CPAP: variants seen among roughly 807,000 people sequenced by gnomAD.
CPAP encodes centrosomal P4.1-associated protein.
the CPAP span, among the ~76,000 whole-genome samples, chr13:24,919,428 T>C: frequency 6.6e-6 from 1 of 152,174 alleles, no homozygotes; most frequent in Non-Finnish European, 1.5e-5. Context: ...TTTAATCTTT[T>C]TTTTTTTCCT....
chr13:24,933,419 G>T, the CPAP span: 17 of 254,020 alleles, frequency 6.7e-5, no homozygotes, highest in South Asian at 1.3e-3. Context: ...TAGAATTTCA[G>T]ACCAGTCAAA....
At chr13:24,889,917 G>A in the CPAP span, among the ~76,000 whole-genome samples, 1 of 152,012 alleles carries the variant, frequency 6.6e-6, no homozygotes, top group Non-Finnish European at 1.5e-5. Context: ...TCCCTGCCAG[G>A]AGGTGATGCT....
the CPAP span, chr13:24,910,145 C>G: frequency 6.6e-7 from 1 of 1,507,222 alleles, no homozygotes; most frequent in Non-Finnish European, 9.1e-7. Flanking sequence ...CTCTTTTATC[C>G]CCAGTAGTGA....
chr13:24,927,063 G>A, the CPAP span, among the ~76,000 whole-genome samples: 25 of 152,228 alleles, frequency 1.6e-4, no homozygotes, highest in South Asian at 1.9e-3. Context: ...GAAAATTGTC[G>A]GCACTGGAGA....
the CPAP span, chr13:24,906,461 A>T: frequency 1.2e-6 from 2 of 1,614,230 alleles, no homozygotes; most frequent in South Asian, 2.2e-5. Flanking sequence ...TGAAAGAGGA[A>T]GTCTGTCTTT....
At chr13:24,888,873 A>T in the CPAP span, among the ~76,000 whole-genome samples, 1 of 152,238 alleles carries the variant, frequency 6.6e-6, no homozygotes, top group Admixed American at 6.5e-5. Context: ...ACAGAATATG[A>T]AACAATACTA....
the CPAP span, chr13:24,883,932 T>C: frequency 5.0e-6 from 8 of 1,613,802 alleles, no homozygotes; most frequent in South Asian, 8.8e-5. Context: ...TCACACTGAG[T>C]GGTTTTTCTG....
the CPAP span, chr13:24,904,206 A>C: frequency 1.1e-6 from 1 of 878,864 alleles, no homozygotes. Flanking sequence ...CATGAAAAGG[A>C]AAAAAAATTA....
chr13:24,909,104 G>T, the CPAP span, among the ~76,000 whole-genome samples: 1 of 152,130 alleles, frequency 6.6e-6, no homozygotes, highest in Non-Finnish European at 1.5e-5. Context: ...AGTAATAACT[G>T]CAGTGGTCTT....
chr13:24,906,866 T>C, the CPAP span: 5 of 1,614,212 alleles, frequency 3.1e-6, no homozygotes, highest in Non-Finnish European at 4.2e-6. Flanking sequence ...TTTTTGAAAC[T>C]TAGATTTGGC....
the CPAP span, chr13:24,884,447 T>TTA: frequency 6.2e-7 from 1 of 1,614,090 alleles, no homozygotes; most frequent in Non-Finnish European, 8.5e-7. Context: ...GCACCCATTC[T>TTA]TATAAACCTT....
At chr13:24,893,901 G>T in the CPAP span, among the ~76,000 whole-genome samples, 2 of 152,134 alleles carry the variant, frequency 1.3e-5, no homozygotes, top group African/African-American at 4.8e-5. Flanking sequence ...TCACTCTGCC[G>T]GGGACAGTGG....
At chr13:24,886,831 AAGGC>A in the CPAP span, among the ~76,000 whole-genome samples, 2 of 152,232 alleles carry the variant, frequency 1.3e-5, no homozygotes, top group African/African-American at 4.8e-5. Context: ...CAACTAATAA[AAGGC>A]AGAACCAGGA....
chr13:24,899,420 T>C, the CPAP span: 1 of 1,607,964 alleles, frequency 6.2e-7, no homozygotes. Flanking sequence ...CTAGCATACC[T>C]GTATTTCTTC....
At chr13:24,895,220 C>T in the CPAP span, among the ~76,000 whole-genome samples, 3 of 152,276 alleles carry the variant, frequency 2.0e-5, no homozygotes, top group African/African-American at 7.2e-5. Context: ...ACGCTCAGAG[C>T]AGCCCCGGAG....
chr13:24,910,332 T>C, the CPAP span, among the ~76,000 whole-genome samples: 1 of 152,226 alleles, frequency 6.6e-6, no homozygotes, highest in Non-Finnish European at 1.5e-5. Flanking sequence ...CAAGTGATTC[T>C]CGTGCCTCAG....
At chr13:24,912,132 C>T in the CPAP span, 5 of 1,477,094 alleles carry the variant, frequency 3.4e-6, no homozygotes, top group African/African-American at 5.5e-5. Context: ...ACACCTCGTT[C>T]CCTTAATTCC....
At chr13:24,931,711 A>G in the CPAP span, among the ~76,000 whole-genome samples, 2 of 152,232 alleles carry the variant, frequency 1.3e-5, no homozygotes, top group African/African-American at 4.8e-5. Context: ...TATATTTCTA[A>G]CTAGTTACAA....
At chr13:24,922,632 C>A in the CPAP span, 5 of 152,616 alleles carry the variant, frequency 3.3e-5, no homozygotes. Flanking sequence ...CGTCCCGGCG[C>A]CCCGCTCCCT....
Sources: allele counts gnomAD v4.1 joint callset (sites outside exome capture counted in the v4.1 genomes callset), GRCh38; gene constraint gnomAD v4.1.1; transcripts MANE v1.5; gene names NCBI Gene and HGNC (gene_info 2026-07-23, HGNC 2026-07-21).